The following MAP3K10 variants were observed in gnomAD, a reference collection of about 807,000 sequenced individuals.
The protein encoded by MAP3K10 is MKN28 derived nonreceptor_type serine/threonine kinase.
In MAP3K10, 22 loss-of-function variants were observed where a neutral mutation model predicts 75.0. The observed-to-expected ratio is 0.29, with a 90% CI of 0.21 to 0.42. MAP3K10 has a LOEUF of 0.42. Among genes scored for constraint, MAP3K10 ranks in the 10% least tolerant of loss-of-function variants. MAP3K10 has a pLI of 1.00. For synonymous variants in MAP3K10, 599 were observed against 612.9 expected (o/e 0.98, Z 0.34); for missense variants, 1,165 against 1,379.8 (o/e 0.84, Z 2.47).
intron 1 of MAP3K10, among the ~76,000 whole-genome samples, chr19:40,197,197 A>G (rs1259972496): frequency 6.6e-6 from 1 of 152,190 alleles, no homozygotes; most frequent in Non-Finnish European, 1.5e-5. Context: ...TGTCATGGTG[A>G]TGACACAAGT....
At position 40,212,587 on chromosome 19, in the gene MAP3K10, G is replaced by A. The variant is rs73933217; in HGVS notation, c.1553-218G>A. 2.9e-3 allele frequency among the ~76,000 whole-genome samples: 446 copies of A among 152,330 alleles called. 3 individuals carry two copies. Among genetic ancestry groups the A allele is most frequent in the African/African-American group, 0.01 (430 of 41,578 alleles). On this transcript the variant is annotated intron_variant, in intron 6 of 9. Coordinates refer to ENST00000253055, the MANE Select transcript of MAP3K10 (RefSeq NM_002446.4). This position sits in a 1 kb window ranked among gnomAD's most constrained non-coding sequence, Gnocchi z 4.2. ...AGGCTGGAGGAGTTGGCAGGGAACC[G>A]CTCATGGCCTTCAGTGCCAGGCGGA... is the stretch of plus-strand genomic sequence containing the variant.
intron 2 of MAP3K10, among the ~76,000 whole-genome samples, chr19:40,201,818 T>G (rs1321966305): frequency 6.8e-6 from 1 of 146,778 alleles, no homozygotes; most frequent in Non-Finnish European, 1.5e-5. Context: ...TTTTTTTTAA[T>G]TTTAAGTTCT....
In MAP3K10 at chr19:40,215,168, G is replaced by A; in HGVS notation, c.2741G>A (p.Ser914Asn). 6.2e-7 allele frequency: 1 copy of A among 1,605,194 alleles called. No individual in the cohort carries two copies. Among genetic ancestry groups the A allele is most frequent in the South Asian group, 1.1e-5 (1 of 89,894 alleles). Residue 914 changes from serine to asparagine, a missense_variant, in exon 10 of 10, where the codon AGC (serine) becomes AAC (asparagine). Coordinates refer to ENST00000253055, the MANE Select transcript of MAP3K10 (RefSeq NM_002446.4). ...CGGACACTCACCATCTCGCCTCCCAGCAGGCCAGACACTCCGGAGAGCCCT... is the reference window on the plus strand; with the variant it reads ...CGGACACTCACCATCTCGCCTCCCAACAGGCCAGACACTCCGGAGAGCCCT... ...FGRTLTISPP[S>N]RPDTPESPGP...
intron 6 of MAP3K10, among the ~76,000 whole-genome samples, chr19:40,209,913 C>T (rs188474873): frequency 6.6e-6 from 1 of 152,156 alleles, no homozygotes; most frequent in Non-Finnish European, 1.5e-5. Context: ...GGGAGGATTG[C>T]TTGAGCCTAG....
Position 40,215,162 on chromosome 19 carries a change from C to A in MAP3K10, c.2735C>A (p.Pro912His). 6.2e-7 allele frequency: 1 copy of A among 1,606,804 alleles called. No homozygotes were observed. The change falls in exon 10 of 10, where the codon CCT becomes CAT. Residue 912 changes from proline to histidine, a missense_variant. Physicochemically the swap from Pro to His is moderately conservative, Grantham distance 77. Around this residue, in one of 2 missense-constraint regions of MAP3K10, gnomAD observed 590 missense variants for 586.6 expected, o/e 1.01. Coordinates refer to ENST00000253055, the MANE Select transcript of MAP3K10 (RefSeq NM_002446.4). ...TTCGGCCGGACACTCACCATCTCGC[C>A]TCCCAGCAGGCCAGACACTCCGGAG... is the stretch of plus-strand genomic sequence containing the variant. Reference protein sequence around the residue: ...VSFGRTLTISPPSRPDTPESP... With the variant: ...VSFGRTLTISHPSRPDTPESP...
Position 40,205,395 on chromosome 19 carries a change from G to A in MAP3K10, c.1188+99G>A, listed in dbSNP as rs1023886849. The A allele has an allele frequency of 3.1e-6, 4 of 1,302,610 alleles. No individual in the cohort carries two copies. The highest frequency in any genetic ancestry group is 4.3e-6 in the Non-Finnish European group (4 of 933,050). 80.7% of individuals were successfully genotyped at this position (1,302,610 alleles called of 1,614,324 possible). On this transcript the variant is annotated intron_variant, in intron 4 of 9. Coordinates refer to ENST00000253055, the MANE Select transcript of MAP3K10 (RefSeq NM_002446.4). The surrounding 1 kb of genome is among the most constrained non-coding windows in gnomAD (Gnocchi z 4.3). ...TCCTCCCCTGAACCCCAGCCTTTGG[G>A]TCCATGCAGGGTCAAGGGAGCCTTT...
chr19:40,211,203 G>A, intron 6 of MAP3K10, among the ~76,000 whole-genome samples: 1 of 152,112 alleles, frequency 6.6e-6, no homozygotes. Context: ...TTGTTAACCT[G>A]TTTGGCTGGA....
Position 40,212,654 on chromosome 19 carries a change from G to A in MAP3K10, c.1553-151G>A. ...CCTGACAGCAGTAGGGGGCTATGGG[G>A]AGATATATAGCAGGGAGGGTCATGA... On this transcript the variant is annotated intron_variant, in intron 6 of 9. Transcript: ENST00000253055. The surrounding 1 kb of genome is among the most constrained non-coding windows in gnomAD (Gnocchi z 4.2). 1.1e-6 allele frequency: 1 copy of A among 928,312 alleles called. No homozygotes were observed. The highest frequency in any genetic ancestry group is 1.6e-6 in the Non-Finnish European group (1 of 625,272). 57.5% of individuals were successfully genotyped at this position (928,312 alleles called of 1,614,324 possible). A position where few individuals can be genotyped will look rare whatever the true frequency, so the allele number is the denominator to read the frequency against.
chr19:40,203,212 A>G (rs1568489607), intron 2 of MAP3K10, among the ~76,000 whole-genome samples: 1 of 152,054 alleles, frequency 6.6e-6, no homozygotes, highest in Non-Finnish European at 1.5e-5. Context: ...GGTGGTGCAC[A>G]TCTGTAATCC....
At position 40,192,992 on chromosome 19, in the gene MAP3K10, C is replaced by A. The variant is rs1444987295; in HGVS notation, c.682+279C>A. Reference sequence around the variant, plus strand: ...TGAACACCTGCGTTCCCTGCATGAACAGGACAGATGCAGTGCCTGCCTTCA... The same window carrying A: ...TGAACACCTGCGTTCCCTGCATGAAAAGGACAGATGCAGTGCCTGCCTTCA... On this transcript the variant is annotated intron_variant, in intron 1 of 9. Transcript: ENST00000253055. The surrounding 1 kb of genome is among the most constrained non-coding windows in gnomAD (Gnocchi z 7.1). Among the ~76,000 whole-genome samples the A allele has an allele frequency of 6.6e-6, 1 of 152,198 alleles. No individual in the cohort carries two copies. The highest frequency in any genetic ancestry group is 2.4e-5 in the African/African-American group (1 of 41,440).
chr19:40,210,120 A>G (rs1171930075), intron 6 of MAP3K10, among the ~76,000 whole-genome samples: 2 of 152,094 alleles, frequency 1.3e-5, no homozygotes, highest in Non-Finnish European at 2.9e-5. Context: ...ACAAAAAGTC[A>G]GCCAGGTGCT....
At position 40,192,260 on chromosome 19, in the gene MAP3K10, GC is replaced by G; in HGVS notation, c.234del (p.Gly79AlafsTer22). 3 of 1,600,114 alleles carry G rather than the reference GC, an allele frequency of 1.9e-6. No homozygotes were observed. The highest frequency in any genetic ancestry group is 8.5e-7 in the Non-Finnish European group (1 of 1,175,122). On this transcript the variant is annotated frameshift_variant, in exon 1 of 10. Coordinates refer to ENST00000253055, the MANE Select transcript of MAP3K10 (RefSeq NM_002446.4). LOFTEE classifies it high-confidence loss of function. This position sits in a 1 kb window ranked among gnomAD's most constrained non-coding sequence, Gnocchi z 7.1. ...RVGVFPSNYV[A>X]PGAPAAPAGL... ...GGGCGTCTTCCCCAGCAACTACGTG[GC>G]CCCCGGCGCCCCCGCTGCACCCGCG...
intron 5 of MAP3K10, 49 bp downstream of exon 5, chr19:40,206,206 G>A (rs557424009): frequency 4.6e-6 from 7 of 1,532,932 alleles, no homozygotes; most frequent in Admixed American, 2.2e-5. Flanking sequence ...GCTGGGAGCA[G>A]CCCCGACCTA....
Position 40,204,608 on chromosome 19 carries a change from C to T in MAP3K10, c.987C>T (p.Pro329=), listed in dbSNP as rs776020969. Residue 329 remains proline (P), a synonymous_variant, in exon 3 of 10, where the codon CCC becomes CCT. Transcript: ENST00000253055. This position sits in a 1 kb window ranked among gnomAD's most constrained non-coding sequence, Gnocchi z 4.3. ...CGCTGCCCATTCCCTCCACGTGCCC[C>T]GAGCCCTTTGCCCGCCTCCTGGAGG... The part of the protein sequence containing the change: ...KLTLPIPSTC[P]EPFARLLEEC... 5 of 1,612,088 alleles carry T rather than the reference C, an allele frequency of 3.1e-6. No individual in the cohort carries two copies. The highest frequency in any genetic ancestry group is 2.2e-5 in the East Asian group (1 of 44,790).
At chr19:40,207,250 G>A (rs1206461651) in intron 5 of MAP3K10, among the ~76,000 whole-genome samples, 2 of 151,558 alleles carry the variant, frequency 1.3e-5, no homozygotes, top group African/African-American at 4.9e-5. Context: ...TCCCCACACT[G>A]CTTCCCAGGT....
chr19:40,214,145 C>A lies in MAP3K10; in HGVS notation c.2466C>A (p.Ser822Arg). 1 of 1,541,124 alleles carries A rather than the reference C, an allele frequency of 6.5e-7. No individual in the cohort carries two copies. The highest frequency in any genetic ancestry group is 8.7e-7 in the Non-Finnish European group (1 of 1,152,756). ...PTHVTAACAVSRGHRRTPSDG... is the reference protein window; with the variant it reads ...PTHVTAACAVRRGHRRTPSDG... ...ACGTCACGGCTGCATGCGCTGTGAG[C>A]CGCGGGCACCGGCGGACGCCATCGG... Residue 822 changes from serine (S) to arginine (R), a missense_variant, in exon 9 of 10, where the codon AGC becomes AGA. Around this residue, in one of 2 missense-constraint regions of MAP3K10, gnomAD observed 590 missense variants for 586.6 expected, o/e 1.01. Transcript: ENST00000253055.
At position 40,205,475 on chromosome 19, in the gene MAP3K10, C is replaced by A. The variant is rs1196928705; in HGVS notation, c.1188+179C>A. On this transcript the variant is annotated intron_variant, in intron 4 of 9. Coordinates refer to ENST00000253055, the MANE Select transcript of MAP3K10 (RefSeq NM_002446.4). This position sits in a 1 kb window ranked among gnomAD's most constrained non-coding sequence, Gnocchi z 4.3. ...TTGGTGGATTAATAAGAAAAAGGCACCCTGTACTGAAGTACTTACAGGTGA... is the reference window on the plus strand; with the variant it reads ...TTGGTGGATTAATAAGAAAAAGGCAACCTGTACTGAAGTACTTACAGGTGA... 17 of 636,980 alleles carry A rather than the reference C, an allele frequency of 2.7e-5. No homozygotes were observed. The highest frequency in any genetic ancestry group is 2.1e-4 in the Admixed American group (7 of 33,920). 39.5% of individuals were successfully genotyped at this position (636,980 alleles called of 1,614,324 possible). A position where few individuals can be genotyped will look rare whatever the true frequency, so the allele number is the denominator to read the frequency against.
chr19:40,208,538 A>G (rs1039433077), intron 5 of MAP3K10, among the ~76,000 whole-genome samples: 2 of 150,226 alleles, frequency 1.3e-5, no homozygotes, highest in African/African-American at 4.9e-5. Context: ...TGCGGTAATT[A>G]CAATAAAATA....
chr19:40,203,823 C>T (rs1422429512), intron 2 of MAP3K10, among the ~76,000 whole-genome samples: 1 of 152,164 alleles, frequency 6.6e-6, no homozygotes, highest in Admixed American at 6.5e-5. Context: ...GCTTTGGAGG[C>T]TGTGGAATCA....
Sources: gnomAD v4.1 joint callset for allele counts (sites outside exome capture counted in the v4.1 genomes callset) on GRCh38, gnomAD v4.1.1 for gene constraint, gnomAD v4.1.1 regional missense constraint, Gnocchi (gnomAD v3.1) non-coding constraint, MANE v1.5 for transcripts, NCBI Gene and HGNC (gene_info 2026-07-23, HGNC 2026-07-21) for gene names.